REEP3: variants seen among roughly 807,000 people sequenced by gnomAD.
REEP3 encodes receptor expression-enhancing protein 3.
REEP3 carries 20 observed loss-of-function variants against 41.3 expected under a neutral mutation model. The ratio of observed to expected loss-of-function variants is 0.48; its 90% CI spans 0.34 to 0.70. REEP3 has a LOEUF of 0.70. REEP3 is among the 30% of genes least tolerant of loss of function. The pLI is 0.01. For synonymous variants in REEP3, 104 were observed against 101.8 expected (o/e 1.02, Z -0.13); for missense variants, 271 against 308.8 (o/e 0.88, Z 0.92).
At chr10:63,564,647 A>G (rs1955779826) in intron 1 of REEP3, among the ~76,000 whole-genome samples, 1 of 152,060 alleles carries the variant, frequency 6.6e-6, no homozygotes, top group Non-Finnish European at 1.5e-5. Flanking sequence ...ATGCGCATTA[A>G]AATAGCTATA....
intron 1 of REEP3, among the ~76,000 whole-genome samples, chr10:63,524,483 G>A (rs527479744): frequency 4.7e-4 from 71 of 151,472 alleles, no homozygotes; most frequent in Non-Finnish European, 7.8e-4. Flanking sequence ...TGTCGCCCAC[G>A]CTGGAGTGCG....
intron 1 of REEP3, among the ~76,000 whole-genome samples, chr10:63,531,963 A>C (rs529714803): frequency 6.6e-6 from 1 of 152,338 alleles, no homozygotes; most frequent in Non-Finnish European, 1.5e-5. Context: ...TTTACAGAGA[A>C]TTTCTAAAAA....
rs1956357240 is a variant in REEP3 at position 63,621,943 on chromosome 10, C to A, written c.*1074C>A. ...AATCTCTTCTGGCTGAGATAATTTG[C>A]CAATGCAAAATACAGTTGTCATTAA... On this transcript the variant is annotated 3_prime_UTR_variant, in exon 8 of 8. Transcript: ENST00000373758. 1.3e-5 allele frequency: 2 copies of A among 152,156 alleles called. No individual in the cohort carries two copies. The highest frequency in any genetic ancestry group is 4.8e-5 in the African/African-American group (2 of 41,436). 9.4% of individuals were successfully genotyped at this position (152,156 alleles called of 1,614,324 possible). A position where few individuals can be genotyped will look rare whatever the true frequency, so the allele number is the denominator to read the frequency against.
intron 1 of REEP3, among the ~76,000 whole-genome samples, chr10:63,538,533 A>G (rs1172139353): frequency 6.6e-6 from 1 of 152,186 alleles, no homozygotes; most frequent in East Asian, 1.9e-4. Context: ...CAGGAGTTCA[A>G]GATCAGCCTG....
In REEP3 at chr10:63,621,140, G is replaced by C. The variant is rs148840265; in HGVS notation, c.*271G>C. 543 of 273,612 alleles carry C rather than the reference G, an allele frequency of 2.0e-3. 3 individuals carry two copies. The highest frequency in any genetic ancestry group is 0.018 in the South Asian group (290 of 16,244). 16.9% of individuals were successfully genotyped at this position (273,612 alleles called of 1,614,324 possible). A position where few individuals can be genotyped will look rare whatever the true frequency, so the allele number is the denominator to read the frequency against. On this transcript the variant is annotated 3_prime_UTR_variant, in exon 8 of 8. Coordinates refer to ENST00000373758, the MANE Select transcript of REEP3 (RefSeq NM_001001330.3). The stretch of plus-strand genomic sequence containing the variant: ...CGTTTTCAAATTCATCAACAGCCTA[G>C]AGTGCCTGAGATATAAGATGAAACA...
rs148161033 is a variant in REEP3, at chr10:63,549,077, A to T, written c.33-17261A>T. ...AAAGAGAGAACTAAAGCCACCTTTC[A>T]CCTAAGGACATTTCCTGAAACCTGA... is the stretch of plus-strand genomic sequence containing the variant. On this transcript the variant is annotated intron_variant, in intron 1 of 7. Transcript: ENST00000373758. 2.1e-3 allele frequency among the ~76,000 whole-genome samples: 323 copies of T among 152,236 alleles called. 2 individuals are homozygous for T. Among genetic ancestry groups the T allele is most frequent in the African/African-American group, 7.5e-3 (313 of 41,536 alleles).
intron 1 of REEP3, among the ~76,000 whole-genome samples, chr10:63,552,587 C>T (rs1479101202): frequency 1.3e-5 from 2 of 152,170 alleles, no homozygotes; most frequent in Non-Finnish European, 2.9e-5. Flanking sequence ...TTCTCCCTAG[C>T]AGAACAGTGC....
At chr10:63,566,140 T>G (rs1479442175) in intron 1 of REEP3, among the ~76,000 whole-genome samples, 198 bp from the exon 2 acceptor site, 1 of 152,156 alleles carries the variant, frequency 6.6e-6, no homozygotes, top group Non-Finnish European at 1.5e-5. Context: ...TGCCTCGACC[T>G]CCCAAAGTGC....
At chr10:63,548,410 AT>A (rs1202316964) in intron 1 of REEP3, among the ~76,000 whole-genome samples, 1 of 152,194 alleles carries the variant, frequency 6.6e-6, no homozygotes, top group Non-Finnish European at 1.5e-5. Context: ...AGAAAAAAAA[AT>A]CTATTCTTGA....
intron 5 of REEP3, among the ~76,000 whole-genome samples, chr10:63,608,030 T>C (rs892622703): frequency 1.3e-5 from 2 of 152,220 alleles, no homozygotes; most frequent in African/African-American, 4.8e-5. Context: ...ATTTGTCATC[T>C]GTGTGGCAGT....
chr10:63,571,548 G>A (rs1386297544), intron 2 of REEP3, among the ~76,000 whole-genome samples: 1 of 152,100 alleles, frequency 6.6e-6, no homozygotes, highest in Non-Finnish European at 1.5e-5. Flanking sequence ...CACTTATAAG[G>A]ACTCTTGTGA....
chr10:63,549,145 G>A (rs1401384323), intron 1 of REEP3, among the ~76,000 whole-genome samples: 1 of 152,076 alleles, frequency 6.6e-6, no homozygotes, highest in Middle Eastern at 3.2e-3. Context: ...GGGGCATGTT[G>A]GGCAAAAAGC....
At chr10:63,572,638 C>T (rs1190331111) in intron 2 of REEP3, among the ~76,000 whole-genome samples, 1 of 152,108 alleles carries the variant, frequency 6.6e-6, no homozygotes, top group African/African-American at 2.4e-5. Flanking sequence ...ATGGTATTTT[C>T]TTAGTAAAAT....
intron 6 of REEP3, among the ~76,000 whole-genome samples, chr10:63,617,871 C>T (rs2133436932): frequency 7.5e-6 from 1 of 133,322 alleles, no homozygotes; most frequent in African/African-American, 2.8e-5. Context: ...GTCACCCAAG[C>T]TGGAGTGCAG....
chr10:63,586,984 G>GTT (rs61633385), intron 2 of REEP3, among the ~76,000 whole-genome samples: 17,133 of 142,342 alleles, frequency 0.12, 1,282 homozygotes, highest in East Asian at 0.31. Flanking sequence ...GTTTATGCAT[G>GTT]TTTTTTTTTT....
intron 2 of REEP3, among the ~76,000 whole-genome samples, chr10:63,580,039 T>G (rs1252374008): frequency 6.6e-6 from 1 of 152,162 alleles, no homozygotes; most frequent in Admixed American, 6.5e-5. Flanking sequence ...AAATCAACAA[T>G]GTAGTAATAA....
rs564605395 is a variant in REEP3, at chr10:63,614,446, A to G, written c.565+4112A>G. Among the ~76,000 whole-genome samples the G allele has an allele frequency of 7.9e-5, 12 of 152,292 alleles. No individual in the cohort carries two copies. In the South Asian group the frequency reaches 1.9e-3, roughly 24 times the overall value. On this transcript the variant is annotated intron_variant, in intron 6 of 7. Transcript: ENST00000373758. Reference sequence around the variant, plus strand: ...CAGCTGGGCTAGAGTCATAATCTCAAAGAGAGCTCACACATCTGCTGTCTG... The same window carrying G: ...CAGCTGGGCTAGAGTCATAATCTCAGAGAGAGCTCACACATCTGCTGTCTG...
intron 1 of REEP3, among the ~76,000 whole-genome samples, chr10:63,545,341 C>T (rs1350537118): frequency 2.0e-5 from 3 of 152,152 alleles, no homozygotes; most frequent in African/African-American, 7.2e-5. Flanking sequence ...TTAACTATAG[C>T]CATCCTACAG....
intron 1 of REEP3, among the ~76,000 whole-genome samples, chr10:63,546,663 A>G (rs1469583469): frequency 2.0e-5 from 3 of 152,190 alleles, no homozygotes; most frequent in Non-Finnish European, 4.4e-5. Context: ...TCAAAGATGG[A>G]CACATAGATC....
Sources: gnomAD v4.1 joint callset for allele counts (sites outside exome capture counted in the v4.1 genomes callset) on GRCh38, gnomAD v4.1.1 for gene constraint, MANE v1.5 for transcripts, NCBI Gene and HGNC (gene_info 2026-07-23, HGNC 2026-07-21) for gene names.